The following MICAL3 variants were observed in gnomAD, a reference collection of about 807,000 sequenced individuals.
The protein encoded by MICAL3 is microtubule associated monooxygenase, calponin and LIM domain containing 3, also known as [F-actin]-monooxygenase MICAL3.
MICAL3 carries 62 observed loss-of-function variants against 207.4 expected under a neutral mutation model. The observed-to-expected ratio is 0.30, with a 90% CI of 0.24 to 0.37. The LOEUF is 0.37. Ranked by LOEUF, MICAL3 falls within the 10% of genes least tolerant of loss-of-function variation. MICAL3 has a pLI of 1.00. For missense variants in MICAL3, 2,368 were observed against 2,635.6 expected (o/e 0.90, Z 2.22); for synonymous variants, 1,077 against 1,069.3 (o/e 1.01, Z -0.14).
chr22:17,889,800 T>A (rs1170880487), intron 12 of MICAL3, among the ~76,000 whole-genome samples: 1 of 152,188 alleles, frequency 6.6e-6, no homozygotes, highest in Non-Finnish European at 1.5e-5. Flanking sequence ...GGGCGGGACC[T>A]GTCTCTAAAA....
intron 1 of MICAL3, among the ~76,000 whole-genome samples, chr22:17,957,382 T>C (rs1191655319): frequency 6.6e-6 from 1 of 152,188 alleles, no homozygotes; most frequent in African/African-American, 2.4e-5. Flanking sequence ...AATTTCCGAC[T>C]GAAACTAATC....
intron 20 of MICAL3, among the ~76,000 whole-genome samples, chr22:17,836,278 G>A (rs1923354989): frequency 6.6e-6 from 1 of 152,214 alleles, no homozygotes; most frequent in East Asian, 1.9e-4. Context: ...CCCTGACCGC[G>A]TGCCCGCAGC....
At chr22:17,863,698 A>G (rs542593491) in intron 19 of MICAL3, 1 of 985,454 alleles carries the variant, frequency 1.0e-6, no homozygotes, top group African/African-American at 1.7e-5. Context: ...CACACCGCCT[A>G]GCCTCTGGGC....
chr22:17,882,915 C>A (rs888803501), intron 16 of MICAL3, among the ~76,000 whole-genome samples: 1 of 152,168 alleles, frequency 6.6e-6, no homozygotes. Context: ...TGACAAGCTG[C>A]GCTGGCAGGG....
intron 1 of MICAL3, among the ~76,000 whole-genome samples, chr22:17,997,050 CTTTTTTTT>C (rs71716810): frequency 2.5e-4 from 19 of 75,462 alleles, no homozygotes; most frequent in South Asian, 9.8e-4. Flanking sequence ...CCCATCTAGT[CTTTTTTTT>C]TTTTTTTTTT....
chr22:17,879,020 C>T (rs1214401228), intron 16 of MICAL3, among the ~76,000 whole-genome samples: 3 of 152,166 alleles, frequency 2.0e-5, no homozygotes, highest in African/African-American at 7.2e-5. Flanking sequence ...CTACCACTGG[C>T]ACATAGTTTG....
intron 29 of MICAL3, among the ~76,000 whole-genome samples, chr22:17,801,040 T>TG (rs2061931970): frequency 6.6e-6 from 1 of 151,838 alleles, no homozygotes; most frequent in Admixed American, 6.6e-5. Flanking sequence ...CGCAGCATAA[T>TG]GGTCTGGGAA....
chr22:17,806,704 G>A (rs2061992774), intron 29 of MICAL3, among the ~76,000 whole-genome samples: 1 of 152,194 alleles, frequency 6.6e-6, no homozygotes, highest in African/African-American at 2.4e-5. Flanking sequence ...ACATTTGAGA[G>A]TAATTCTTTT....
At chr22:17,864,562 T>C (rs1226755493) in intron 19 of MICAL3, 2 of 1,454,518 alleles carry the variant, frequency 1.4e-6, no homozygotes, top group Admixed American at 2.5e-5. Context: ...CCTGTCTACC[T>C]ACACAGGACC....
chr22:17,898,112 A>AC (rs1194134148), intron 7 of MICAL3, among the ~76,000 whole-genome samples: 2 of 151,946 alleles, frequency 1.3e-5, no homozygotes, highest in African/African-American at 4.8e-5. Flanking sequence ...CCTCTTAAAA[A>AC]AAAAAAAACA....
intron 17 of MICAL3, among the ~76,000 whole-genome samples, chr22:17,866,883 A>C (rs1348134501): frequency 6.6e-6 from 1 of 151,964 alleles, no homozygotes; most frequent in East Asian, 1.9e-4. Flanking sequence ...ACTCTTTTTT[A>C]CTCTCACTTA....
At chr22:17,904,538 A>T in intron 3 of MICAL3, 94 bp downstream of exon 3, 2 of 936,230 alleles carry the variant, frequency 2.1e-6, no homozygotes, top group Non-Finnish European at 3.5e-6. Context: ...ATTGGGTGGC[A>T]TATGAATTCC....
At chr22:17,986,501 CA>C (rs1438302892) in intron 1 of MICAL3, among the ~76,000 whole-genome samples, 1 of 151,886 alleles carries the variant, frequency 6.6e-6, no homozygotes, top group African/African-American at 2.4e-5. Context: ...GCCTGGGCAA[CA>C]GAGCGAGAAT....
chr22:17,849,695 T>A (rs1233835099), intron 19 of MICAL3, among the ~76,000 whole-genome samples: 1 of 136,442 alleles, frequency 7.3e-6, no homozygotes, highest in African/African-American at 2.8e-5. Context: ...TGTATTTTTT[T>A]TTTTTTTTTT....
chr22:17,811,197 G>T (rs2062044464), intron 27 of MICAL3: 2 of 162,986 alleles, frequency 1.2e-5, no homozygotes, highest in South Asian at 1.8e-4. Flanking sequence ...AAGGATGTCT[G>T]GTCATTTTAA....
chr22:17,802,350 T>C (rs1185045456), intron 29 of MICAL3, among the ~76,000 whole-genome samples: 3 of 152,188 alleles, frequency 2.0e-5, no homozygotes, highest in African/African-American at 7.2e-5. Flanking sequence ...CAGGTGTGAA[T>C]TTTTTCACAC....
Position 17,821,884 on chromosome 22 carries a change from G to A in MICAL3, c.3448+146C>T, listed in dbSNP as rs559477714. 27 of 1,055,048 alleles carry A rather than the reference G, an allele frequency of 2.6e-5. 1 individual carries two copies. In the African/African-American group the frequency reaches 3.5e-4, roughly 14 times the overall value. 65.4% of individuals were successfully genotyped at this position (1,055,048 alleles called of 1,614,324 possible). A position where few individuals can be genotyped will look rare whatever the true frequency, so the allele number is the denominator to read the frequency against. On this transcript the variant is annotated intron_variant, in intron 24 of 31. Transcript: ENST00000441493. ...TGGCACAGGGAGGGTGGACAGAGGA[G>A]GAAAAGGCAAGGAGCTGCCCACACC...
In MICAL3 at chr22:17,816,678, C is replaced by T; in HGVS notation, c.5445+12G>A. 6.5e-7 allele frequency: 1 copy of T among 1,549,496 alleles called. No homozygotes were observed. The highest frequency in any genetic ancestry group is 8.7e-7 in the Non-Finnish European group (1 of 1,145,160). ...CCCCAGGCCCTGTGAAGCCCCCTGC[C>T]TGACTACCCACCTCTCGCCGGGACT... is the stretch of plus-strand genomic sequence containing the variant. On this transcript the variant is annotated intron_variant, in intron 27 of 31. Coordinates refer to ENST00000441493, the MANE Select transcript of MICAL3 (RefSeq NM_015241.3).
intron 1 of MICAL3, among the ~76,000 whole-genome samples, chr22:17,925,600 A>G (rs1932901482): frequency 6.6e-6 from 1 of 152,214 alleles, no homozygotes; most frequent in Non-Finnish European, 1.5e-5. Context: ...GGTCACAGCT[A>G]TCTTGCCTCT....
Sources: gnomAD v4.1 joint callset for allele counts (sites outside exome capture counted in the v4.1 genomes callset) on GRCh38, gnomAD v4.1.1 for gene constraint, MANE v1.5 for transcripts, NCBI Gene and HGNC (gene_info 2026-07-23, HGNC 2026-07-21) for gene names.